The following DNAJC21 variants were observed in gnomAD, a reference collection of about 807,000 sequenced individuals.
DNAJC21 encodes dnaJ homolog subfamily C member 21.
A neutral mutation model predicts 72.4 loss-of-function variants in DNAJC21; 63 were observed. The ratio of observed to expected loss-of-function variants is 0.87; its 90% CI spans 0.71 to 1.07. The LOEUF (loss-of-function observed/expected upper bound fraction) is 1.07, where lower values mean the gene tolerates loss of function less well. Ranked by LOEUF, DNAJC21 falls within the 50% of genes least tolerant of loss-of-function variation. The pLI, the probability that DNAJC21 is intolerant of heterozygous loss-of-function variation, is 0.00. For missense variants in DNAJC21, 634 were observed against 644.8 expected, an observed-to-expected ratio of 0.98 and a Z score of 0.18; for synonymous variants, 203 against 216.7, an observed-to-expected ratio of 0.94 and a Z score of 0.56.
intron 6 of DNAJC21, 93 bp from the exon 7 acceptor site, chr5:34,941,003 A>G (rs1008105979): frequency 5.6e-6 from 6 of 1,071,138 alleles, no homozygotes; most frequent in Middle Eastern, 2.1e-4. Context: ...TTTTAGGTAA[A>G]GAAATAAAAA....
intron 10 of DNAJC21, chr5:34,950,941 A>G: frequency 2.0e-6 from 2 of 984,268 alleles, no homozygotes; most frequent in Non-Finnish European, 2.4e-6. Flanking sequence ...ACAGAGAATC[A>G]TTTCTTATTT....
intron 6 of DNAJC21, among the ~76,000 whole-genome samples, chr5:34,939,803 T>G (rs1463713323): frequency 1.3e-5 from 2 of 152,128 alleles, no homozygotes; most frequent in East Asian, 1.9e-4. Context: ...TTTTTGAGAA[T>G]AGCTGTATAT....
chr5:34,938,979 G>T lies in DNAJC21; in HGVS notation c.865G>T (p.Glu289Ter). ...AGATGGATCGGATGAAAATGAAATGGAAGAACATGAACTCAAAGATGAGGA... is the reference window on the plus strand; with the variant it reads ...AGATGGATCGGATGAAAATGAAATGTAAGAACATGAACTCAAAGATGAGGA... ...FGDGSDENEM[E>*]EHELKDEEDG... Residue 289 changes from glutamate to a stop codon, truncating the protein, a stop_gained, in exon 6 of 12, where the codon GAA (glutamate) becomes TAA (stop). Transcript: ENST00000648817. LOFTEE classifies it high-confidence loss of function. 6.2e-7 allele frequency: 1 copy of T among 1,612,814 alleles called. No individual in the cohort carries two copies. Among genetic ancestry groups the T allele is most frequent in the Non-Finnish European group, 8.5e-7 (1 of 1,179,362 alleles).
At chr5:34,934,350 T>C (rs1266854883) in intron 2 of DNAJC21, among the ~76,000 whole-genome samples, 1 of 151,764 alleles carries the variant, frequency 6.6e-6, no homozygotes. Flanking sequence ...TGCTTCAGCC[T>C]CCTGAGTAGC....
At position 34,947,810 on chromosome 5, in the gene DNAJC21, G is replaced by GT. The variant is rs1460153561; in HGVS notation, c.1185+2012dup. ...TCTGTCTTTGTGTCAGTACCACATT[G>GT]TTTTTGTTATTGTAGCTTTTAATAT... On this transcript the variant is annotated intron_variant, in intron 9 of 11. Coordinates refer to ENST00000648817, the MANE Select transcript of DNAJC21 (RefSeq NM_001012339.3). Among the ~76,000 whole-genome samples, 6 of 151,868 alleles carry GT rather than the reference G, an allele frequency of 4.0e-5. No homozygotes were observed. In the East Asian group the frequency reaches 1.2e-3, roughly 29 times the overall value.
chr5:34,950,057 C>A, intron 9 of DNAJC21, 113 bp from the exon 10 acceptor site: 8 of 1,205,552 alleles, frequency 6.6e-6, no homozygotes, highest in Non-Finnish European at 9.0e-6. Context: ...TCTTAACTTA[C>A]CTGCTTCTCC....
intron 9 of DNAJC21, chr5:34,949,607 G>C: frequency 6.3e-7 from 1 of 1,595,454 alleles, no homozygotes; most frequent in Non-Finnish European, 8.6e-7. Flanking sequence ...GGAAAAAAGT[G>C]TGTGTTGGGA....
intron 7 of DNAJC21, among the ~76,000 whole-genome samples, chr5:34,943,777 C>G (rs1765079408): frequency 6.6e-6 from 1 of 152,160 alleles, no homozygotes; most frequent in Non-Finnish European, 1.5e-5. Flanking sequence ...AAACAGGAGC[C>G]TTCCCTTTTA....
At chr5:34,943,612 A>G (rs191849967) in intron 7 of DNAJC21, among the ~76,000 whole-genome samples, 1 of 152,350 alleles carries the variant, frequency 6.6e-6, no homozygotes, top group East Asian at 1.9e-4. Flanking sequence ...AACTATGCAG[A>G]TATCTTGCTT....
intron 9 of DNAJC21, 151 bp downstream of exon 9, chr5:34,945,954 T>A: frequency 1.6e-6 from 1 of 610,310 alleles, no homozygotes; most frequent in Non-Finnish European, 2.7e-6. Context: ...TAGAAATATT[T>A]TCCTTTTTTA....
intron 1 of DNAJC21, chr5:34,930,503 A>G (rs562698330): frequency 2.5e-4 from 38 of 151,968 alleles, no homozygotes; most frequent in African/African-American, 8.9e-4. Flanking sequence ...CACTTTGGAC[A>G]TGATTCTGCC....
chr5:34,938,993 C>G lies in DNAJC21; in HGVS notation c.879C>G (p.Leu293=). The change falls in exon 6 of 12, where the codon CTC becomes CTG. Residue 293 remains leucine (L), a synonymous_variant. Transcript: ENST00000648817. ...SDENEMEEHE[L]KDEEDGKDSD... ...AAAATGAAATGGAAGAACATGAACT[C>G]AAAGATGAGGAGGATGGTAATATTA... is the stretch of plus-strand genomic sequence containing the variant. 1 of 1,609,548 alleles carries G rather than the reference C, an allele frequency of 6.2e-7. No homozygotes were observed. Among genetic ancestry groups the G allele is most frequent in the Non-Finnish European group, 8.5e-7 (1 of 1,177,792 alleles).
At chr5:34,930,194 C>G (rs985486387) in intron 1 of DNAJC21, 3 of 233,736 alleles carry the variant, frequency 1.3e-5, no homozygotes, top group Non-Finnish European at 1.7e-5. Context: ...AACAACCTCA[C>G]TTGCTCCCGC....
rs1275500145 is a variant in DNAJC21, at chr5:34,957,777, A to G, written c.*3063A>G. On this transcript the variant is annotated 3_prime_UTR_variant, in exon 12 of 12. Coordinates refer to ENST00000648817, the MANE Select transcript of DNAJC21 (RefSeq NM_001012339.3). ...CCAAAATCCCGTGAATTCTCTGGTG[A>G]TGATTCTAGCCTAACCTTCAACATA... 2.0e-5 allele frequency: 3 copies of G among 152,220 alleles called. No individual in the cohort carries two copies. The highest frequency in any genetic ancestry group is 2.9e-5 in the Non-Finnish European group (2 of 68,032). 9.4% of individuals were successfully genotyped at this position (152,220 alleles called of 1,614,324 possible). A position where few individuals can be genotyped will look rare whatever the true frequency, so the allele number is the denominator to read the frequency against.
In DNAJC21 at chr5:34,952,375, G is replaced by C. The variant is rs1393013099; in HGVS notation, c.1359-1551G>C. 2.2e-5 allele frequency: 11 copies of C among 491,514 alleles called. No homozygotes were observed. The East Asian group carries it at 1.7e-3, about 75-fold the overall frequency. 30.4% of individuals were successfully genotyped at this position (491,514 alleles called of 1,614,324 possible). On this transcript the variant is annotated intron_variant, in intron 10 of 11. Coordinates refer to ENST00000648817, the MANE Select transcript of DNAJC21 (RefSeq NM_001012339.3). ...AAGCTGGCTGAATCCTACACAATATGTTACACTCCTAATCTGCATTTTTTA... is the reference window on the plus strand; with the variant it reads ...AAGCTGGCTGAATCCTACACAATATCTTACACTCCTAATCTGCATTTTTTA...
rs1484711914 is a variant in DNAJC21, at chr5:34,957,119, C to T, written c.*2405C>T. ...TTTTGAAGAGGAAAACAGGAACGTACCATATATTTTGCTAAGGGTAAAATA... is the reference window on the plus strand; with the variant it reads ...TTTTGAAGAGGAAAACAGGAACGTATCATATATTTTGCTAAGGGTAAAATA... On this transcript the variant is annotated 3_prime_UTR_variant, in exon 12 of 12. Transcript: ENST00000648817. The T allele has an allele frequency of 6.6e-6, 1 of 152,100 alleles. No homozygotes were observed. Among genetic ancestry groups the T allele is most frequent in the Non-Finnish European group, 1.5e-5 (1 of 68,004 alleles). The allele number at this position is 152,100 out of a possible 1,614,324, so 9.4% of individuals were successfully genotyped here.
intron 9 of DNAJC21, among the ~76,000 whole-genome samples, chr5:34,946,192 A>G (rs1765171081): frequency 6.6e-6 from 1 of 152,178 alleles, no homozygotes; most frequent in South Asian, 2.1e-4. Context: ...TTCTGCCAAC[A>G]ACATAAACAT....
Position 34,954,873 on chromosome 5 carries a change from A to G in DNAJC21, c.*159A>G. 1.2e-6 allele frequency: 1 copy of G among 869,206 alleles called. No individual in the cohort carries two copies. The highest frequency in any genetic ancestry group is 3.0e-5 in the East Asian group (1 of 32,812). 53.8% of individuals were successfully genotyped at this position (869,206 alleles called of 1,614,324 possible). On this transcript the variant is annotated 3_prime_UTR_variant, in exon 12 of 12. Coordinates refer to ENST00000648817, the MANE Select transcript of DNAJC21 (RefSeq NM_001012339.3). ...AAAACACTTTTTTGGTTTAATATAT[A>G]TTTTTAAAACATTTCACTAGTGATT... is the stretch of plus-strand genomic sequence containing the variant.
chr5:34,944,753 GT>G, intron 7 of DNAJC21, 113 bp from the exon 8 acceptor site: 1 of 1,368,482 alleles, frequency 7.3e-7, no homozygotes, highest in East Asian at 2.4e-5. Flanking sequence ...AATCAGAAAC[GT>G]TTTGCTTAGT....
Sources: gnomAD v4.1 joint callset for allele counts (sites outside exome capture counted in the v4.1 genomes callset) on GRCh38, gnomAD v4.1.1 for gene constraint, MANE v1.5 for transcripts, NCBI Gene and HGNC (gene_info 2026-07-23, HGNC 2026-07-21) for gene names.